RANBP2: variants seen among roughly 807,000 people sequenced by gnomAD.
RANBP2 encodes the protein RAN binding protein 2.
A neutral mutation model predicts 303.6 loss-of-function variants in RANBP2; 57 were observed. That is an observed-to-expected ratio of 0.19 (90% CI 0.15 to 0.23). The LOEUF (loss-of-function observed/expected upper bound fraction) is 0.23. RANBP2 is among the 10% of genes least tolerant of loss of function. The pLI, the probability that RANBP2 is intolerant of heterozygous loss-of-function variation, is 1.00. For synonymous variants in RANBP2, 1,167 were observed against 1,301.5 expected, an observed-to-expected ratio of 0.90 and a Z score of 2.23; for missense variants, 3,138 against 3,780.8, an observed-to-expected ratio of 0.83 and a Z score of 4.46.
the RANBP2 span, among the ~76,000 whole-genome samples, chr2:109,163,843 C>T: frequency 2.0e-5 from 3 of 152,208 alleles, no homozygotes; most frequent in Non-Finnish European, 2.9e-5. Flanking sequence ...TTTCCATGAT[C>T]TCTCTGGTCT....
At chr2:109,522,033 G>A in the RANBP2 span, among the ~76,000 whole-genome samples, 1 of 152,114 alleles carries the variant, frequency 6.6e-6, no homozygotes, top group African/African-American at 2.4e-5. Flanking sequence ...CAACGGCAGC[G>A]TTTTACTTCG....
At chr2:109,040,561 T>C in the RANBP2 span, among the ~76,000 whole-genome samples, 6 of 152,226 alleles carry the variant, frequency 3.9e-5, no homozygotes, top group Admixed American at 2.0e-4. Flanking sequence ...AGAATTGACA[T>C]CTGTGTAATA....
the RANBP2 span, among the ~76,000 whole-genome samples, chr2:108,809,632 TTTG>T: frequency 8.5e-5 from 13 of 152,144 alleles, no homozygotes; most frequent in Non-Finnish European, 1.5e-4. Flanking sequence ...TTTCAGTTAG[TTTG>T]TTGTTAGTGT....
chr2:108,794,399 T>A, the RANBP2 span: 2 of 736,422 alleles, frequency 2.7e-6, no homozygotes, highest in Non-Finnish European at 2.1e-6. Context: ...TTACCATATT[T>A]GCTATATTTT....
the RANBP2 span, chr2:108,883,254 A>C: frequency 6.6e-6 from 1 of 152,174 alleles, no homozygotes. Context: ...AATCTGTAGC[A>C]CCCAGTTGAG....
At chr2:109,610,620 G>T in the RANBP2 span, among the ~76,000 whole-genome samples, 1 of 152,134 alleles carries the variant, frequency 6.6e-6, no homozygotes, top group Non-Finnish European at 1.5e-5. Flanking sequence ...GGAGGCTGGG[G>T]TAGGAGAATC....
the RANBP2 span, among the ~76,000 whole-genome samples, chr2:108,983,499 C>T: frequency 6.6e-6 from 1 of 152,150 alleles, no homozygotes; most frequent in South Asian, 2.1e-4. Flanking sequence ...GAGCATTCCC[C>T]GTGGCCTTCC....
chr2:108,952,795 C>T, the RANBP2 span, among the ~76,000 whole-genome samples: 72 of 152,288 alleles, frequency 4.7e-4, no homozygotes, highest in African/African-American at 1.6e-3. Context: ...TGCCAGACAT[C>T]GTAATGATAT....
At chr2:109,326,636 G>A in the RANBP2 span, among the ~76,000 whole-genome samples, 1 of 152,164 alleles carries the variant, frequency 6.6e-6, no homozygotes, top group Non-Finnish European at 1.5e-5. Flanking sequence ...GACCATTTGT[G>A]TTCATAGCCT....
the RANBP2 span, chr2:109,128,340 C>G: frequency 3.3e-5 from 5 of 152,338 alleles, no homozygotes; most frequent in East Asian, 7.7e-4. Flanking sequence ...AGCGGGGGTT[C>G]ACGAGACTGC....
At chr2:109,449,114 C>T in the RANBP2 span, 3 of 1,559,420 alleles carry the variant, frequency 1.9e-6, no homozygotes, top group Middle Eastern at 1.7e-4. Flanking sequence ...GCCTGGCAGG[C>T]ATGGCAAGTT....
At chr2:108,897,084 G>T in the RANBP2 span, 1 of 1,614,154 alleles carries the variant, frequency 6.2e-7, no homozygotes, top group South Asian at 1.1e-5. Flanking sequence ...CGTCTGTCAT[G>T]CCCCCAATCT....
chr2:109,662,719 T>C, the RANBP2 span, among the ~76,000 whole-genome samples: 2 of 152,184 alleles, frequency 1.3e-5, no homozygotes, highest in East Asian at 3.9e-4. Flanking sequence ...CCTCACCCTC[T>C]ATATTTCATA....
chr2:109,052,396 A>G, the RANBP2 span, among the ~76,000 whole-genome samples: 2 of 152,348 alleles, frequency 1.3e-5, no homozygotes, highest in African/African-American at 4.8e-5. Flanking sequence ...AGGTAGCTAT[A>G]TCAGTTTCTT....
chr2:109,219,130 C>G, the RANBP2 span, among the ~76,000 whole-genome samples: 2 of 152,182 alleles, frequency 1.3e-5, no homozygotes. Context: ...TGGAGTTCCA[C>G]CTCTCTCGCT....
At chr2:109,244,392 A>G in the RANBP2 span, among the ~76,000 whole-genome samples, 1 of 152,222 alleles carries the variant, frequency 6.6e-6, no homozygotes, top group African/African-American at 2.4e-5. Flanking sequence ...TTATGAAAGT[A>G]AATACTATAT....
chr2:109,289,292 T>C, the RANBP2 span, among the ~76,000 whole-genome samples: 16 of 152,340 alleles, frequency 1.1e-4, no homozygotes, highest in South Asian at 3.3e-3. Context: ...CTTCTTGTTA[T>C]TTATTTCCAA....
At chr2:109,336,506 G>A in the RANBP2 span, among the ~76,000 whole-genome samples, 23 of 152,240 alleles carry the variant, frequency 1.5e-4, no homozygotes, top group African/African-American at 5.1e-4. Flanking sequence ...CTGAGGACTC[G>A]CTGTGAGGCC....
the RANBP2 span, among the ~76,000 whole-genome samples, chr2:108,914,408 A>G: frequency 1.3e-5 from 2 of 152,226 alleles, no homozygotes; most frequent in Non-Finnish European, 2.9e-5. Context: ...ACATGTTTTT[A>G]CATGGTTGTG....
Sources: gnomAD v4.1 joint callset for allele counts (sites outside exome capture counted in the v4.1 genomes callset) on GRCh38, gnomAD v4.1.1 for gene constraint, MANE v1.5 for transcripts, NCBI Gene and HGNC (gene_info 2026-07-23, HGNC 2026-07-21) for gene names.